The following ADPRM variants were observed in gnomAD, a reference collection of about 807,000 sequenced individuals.
ADPRM encodes the protein ADP-ribose/CDP-alcohol diphosphatase, manganese dependent, also known as manganese-dependent ADP-ribose/CDP-alcohol diphosphatase.
Under a neutral mutation model 27.2 loss-of-function variants are expected in ADPRM, and 17 were observed. That is an observed-to-expected ratio of 0.63 (90% CI 0.43 to 0.94). The LOEUF is 0.94. ADPRM is among the 40% of genes least tolerant of loss of function. The pLI is 0.00. For missense variants in ADPRM, 337 were observed against 412.8 expected (o/e 0.82, Z 1.59); for synonymous variants, 135 against 145.3 (o/e 0.93, Z 0.51).
intron 1 of ADPRM, among the ~76,000 whole-genome samples, chr17:10,704,108 C>T (rs146691409): frequency 8.5e-5 from 13 of 152,182 alleles, no homozygotes; most frequent in African/African-American, 2.7e-4. Flanking sequence ...ACTTGGGAGG[C>T]TGAGGTGGAA....
Position 10,705,190 on chromosome 17 carries a change from G to C in ADPRM, c.264G>C (p.Lys88Asn). ...GYNAQYNASK[K>N]SLELVMDMFK... ...ATGCACAGTATAATGCATCCAAAAA[G>C]TCCCTAGAACTTGTTATGGACATGT... Residue 88 changes from lysine (K) to asparagine (N), a missense_variant, in exon 2 of 4, where the codon AAG becomes AAC. Coordinates refer to ENST00000379774, the MANE Select transcript of ADPRM (RefSeq NM_020233.5). The surrounding 1 kb of genome is among the most constrained non-coding windows in gnomAD (Gnocchi z 5.4). The C allele has an allele frequency of 6.2e-7, 1 of 1,614,070 alleles. No individual in the cohort carries two copies. Among genetic ancestry groups the C allele is most frequent in the Non-Finnish European group, 8.5e-7 (1 of 1,179,994 alleles).
In ADPRM at chr17:10,704,916, G is replaced by C; in HGVS notation, c.-11G>C. ...GTCTTTTTACTTTATTTAGAAACCT[G>C]TTTGGAGGTTATGGATGATAAACCC... is the stretch of plus-strand genomic sequence containing the variant. On this transcript the variant is annotated 5_prime_UTR_variant, in exon 2 of 4. Transcript: ENST00000379774. 6.4e-7 allele frequency: 1 copy of C among 1,559,332 alleles called. No homozygotes were observed. The highest frequency in any genetic ancestry group is 2.1e-5 in the Admixed American group (1 of 47,598).
At chr17:10,708,990 T>G (rs1000040695) in intron 3 of ADPRM, among the ~76,000 whole-genome samples, 1 of 152,230 alleles carries the variant, frequency 6.6e-6, no homozygotes, top group African/African-American at 2.4e-5. Context: ...CCATTTGATG[T>G]AAGCCTAGAA....
intron 1 of ADPRM, among the ~76,000 whole-genome samples, chr17:10,704,418 A>T (rs1174644956): frequency 1.3e-5 from 2 of 151,528 alleles, no homozygotes; most frequent in Admixed American, 1.3e-4. Context: ...TCAGCCTGAC[A>T]CAAAATAACC....
At chr17:10,709,645 A>G (rs1424363070) in intron 3 of ADPRM, among the ~76,000 whole-genome samples, 1 of 152,032 alleles carries the variant, frequency 6.6e-6, no homozygotes, top group Non-Finnish European at 1.5e-5. Context: ...ATGAGTCAAT[A>G]TGGCTTCGAG....
At chr17:10,700,830 C>G (rs972974523) in intron 1 of ADPRM, among the ~76,000 whole-genome samples, 1 of 151,748 alleles carries the variant, frequency 6.6e-6, no homozygotes. Flanking sequence ...GGCTGCTTAT[C>G]CTGTACTATG....
intron 1 of ADPRM, among the ~76,000 whole-genome samples, chr17:10,701,331 G>A (rs1000375540): frequency 2.7e-5 from 4 of 150,436 alleles, no homozygotes; most frequent in Admixed American, 2.6e-4. Context: ...AAAACTTTAT[G>A]TATACTTTTT....
At chr17:10,710,800 T>C (rs369400345) in intron 3 of ADPRM, 34 bp from the exon 4 acceptor site, 3 of 1,570,602 alleles carry the variant, frequency 1.9e-6, no homozygotes, top group Non-Finnish European at 2.6e-6. Context: ...TATTTCTTAA[T>C]TGGCTCATAA....
intron 2 of ADPRM, 67 bp from the exon 3 acceptor site, chr17:10,706,367 TTAAC>T: frequency 9.8e-7 from 1 of 1,015,718 alleles, no homozygotes; most frequent in Non-Finnish European, 1.5e-6. Context: ...TGTCCCTACA[TTAAC>T]TAAATTTGAA....
rs540821410 is a variant in ADPRM at position 10,705,922 on chromosome 17, C to T, written c.601+395C>T. ...TAGAGTATGATGTTATAGAGTGTTA[C>T]GGAAAAGGATTAGGGTTGCTATTTT... is the stretch of plus-strand genomic sequence containing the variant. On this transcript the variant is annotated intron_variant, in intron 2 of 3. Coordinates refer to ENST00000379774, the MANE Select transcript of ADPRM (RefSeq NM_020233.5). The surrounding 1 kb of genome is among the most constrained non-coding windows in gnomAD (Gnocchi z 5.4). 11 of 221,678 alleles carry T rather than the reference C, an allele frequency of 5.0e-5. No individual in the cohort carries two copies. Among genetic ancestry groups the T allele is most frequent in the East Asian group, 2.2e-4 (2 of 9,096 alleles). The allele number at this position is 221,678 out of a possible 1,614,324, so 13.7% of individuals were successfully genotyped here. A position where few individuals can be genotyped will look rare whatever the true frequency, so the allele number is the denominator to read the frequency against.
rs1264773207 is a variant in ADPRM at position 10,705,558 on chromosome 17, T to A, written c.601+31T>A. On this transcript the variant is annotated intron_variant, in intron 2 of 3. Transcript: ENST00000379774. The surrounding 1 kb of genome is among the most constrained non-coding windows in gnomAD (Gnocchi z 5.4). ...TTATTCCTTTGAGCTGAGAATCTAA[T>A]AGATTGTCTTTAAATTCTTCAGCTA... 6.3e-7 allele frequency: 1 copy of A among 1,595,856 alleles called. No homozygotes were observed. The highest frequency in any genetic ancestry group is 1.3e-5 in the African/African-American group (1 of 74,248).
intron 3 of ADPRM, among the ~76,000 whole-genome samples, chr17:10,710,225 C>G (rs923247638): frequency 1.7e-4 from 26 of 152,188 alleles, no homozygotes; most frequent in African/African-American, 6.3e-4. Flanking sequence ...CCTCAGCCTC[C>G]CGAGTAGCTG....
chr17:10,699,424 A>C (rs576776374), intron 1 of ADPRM, among the ~76,000 whole-genome samples: 1 of 152,156 alleles, frequency 6.6e-6, no homozygotes, highest in African/African-American at 2.4e-5. Flanking sequence ...TATCCCTTAT[A>C]GACCTTATCA....
In ADPRM at chr17:10,710,816, C is replaced by G. The variant is rs746400669; in HGVS notation, c.719-18C>G. 1.9e-6 allele frequency: 3 copies of G among 1,607,818 alleles called. No homozygotes were observed. Among genetic ancestry groups the G allele is most frequent in the Non-Finnish European group, 2.6e-6 (3 of 1,175,052 alleles). ...ATTTCTTAATTGGCTCATAACTCTT[C>G]TTTTCTTTAACTAACAGGCCATCTT... is the stretch of plus-strand genomic sequence containing the variant. On this transcript the variant is annotated intron_variant, in intron 3 of 3. Coordinates refer to ENST00000379774, the MANE Select transcript of ADPRM (RefSeq NM_020233.5).
chr17:10,700,756 C>A (rs2074771323), intron 1 of ADPRM, among the ~76,000 whole-genome samples: 1 of 149,298 alleles, frequency 6.7e-6, no homozygotes, highest in Non-Finnish European at 1.5e-5. Flanking sequence ...AGAGCCAGAC[C>A]CTGTCTCAGG....
chr17:10,701,296 A>G (rs2074775367), intron 1 of ADPRM, among the ~76,000 whole-genome samples: 1 of 152,012 alleles, frequency 6.6e-6, no homozygotes, highest in African/African-American at 2.4e-5. Context: ...GATTTTCTCT[A>G]AAGTTTTGAA....
intron 3 of ADPRM, among the ~76,000 whole-genome samples, chr17:10,708,965 C>T (rs2074832450): frequency 6.6e-6 from 1 of 152,156 alleles, no homozygotes; most frequent in Admixed American, 6.5e-5. Flanking sequence ...TTAGCAGTCT[C>T]TTACATTTCT....
At chr17:10,707,275 T>C (rs928008427) in intron 3 of ADPRM, among the ~76,000 whole-genome samples, 5 of 152,180 alleles carry the variant, frequency 3.3e-5, no homozygotes, top group African/African-American at 1.2e-4. Flanking sequence ...CTTGGGAGGC[T>C]GAGGCAGGAG....
intron 3 of ADPRM, 50 bp downstream of exon 3, chr17:10,706,604 AGTT>A: frequency 7.5e-7 from 1 of 1,335,586 alleles, no homozygotes. Flanking sequence ...GATTGGGAAA[AGTT>A]AGGCGTTAAA....
Sources: allele counts gnomAD v4.1 joint callset (sites outside exome capture counted in the v4.1 genomes callset), GRCh38; gene constraint gnomAD v4.1.1; non-coding constraint Gnocchi (gnomAD v3.1); transcripts MANE v1.5; gene names NCBI Gene and HGNC (gene_info 2026-07-23, HGNC 2026-07-21).